DMD: variants seen among roughly 807,000 people sequenced by gnomAD.
DMD encodes the protein mutant dystrophin.
A neutral mutation model predicts 330.1 loss-of-function variants in DMD; 63 were observed. That is an observed-to-expected ratio of 0.19 (90% confidence interval 0.16 to 0.24). The LOEUF (loss-of-function observed/expected upper bound fraction) is 0.24, where lower values mean the gene tolerates loss of function less well. Ranked by LOEUF, DMD falls within the 10% of genes least tolerant of loss-of-function variation. The pLI is 1.00. For missense variants in DMD, 3,344 were observed against 2,684.1 expected, an observed-to-expected ratio of 1.25 and a Z score of -5.43; for synonymous variants, 1,223 against 959.8, an observed-to-expected ratio of 1.27 and a Z score of -5.07.
At chrX:32,983,311 T>C (rs2092753356) in intron 2 of DMD, among the ~76,000 whole-genome samples, 2 of 111,510 alleles carry the variant, frequency 1.8e-5, no homozygotes, top group Non-Finnish European at 3.8e-5. Flanking sequence ...ATTAAAAGCA[T>C]CTTGCTTTGA....
chrX:33,331,560 T>G (rs750415290), intron 1 of DMD, among the ~76,000 whole-genome samples: 1 of 111,930 alleles, frequency 8.9e-6, no homozygotes, highest in African/African-American at 3.2e-5. Context: ...CTGATAAGTT[T>G]ATTTTCCCTT....
intron 65 of DMD, 68 bp downstream of exon 65, chrX:31,209,430 C>T (rs72466553): frequency 6.6e-6 from 7 of 1,054,464 alleles, no homozygotes; most frequent in Admixed American, 6.6e-5. Context: ...ATGCTAATTA[C>T]ACTTCACCAT....
In DMD at chrX:31,673,497, C is replaced by T. The variant is rs2081924951; in HGVS notation, c.7872+5878G>A. Among the ~76,000 whole-genome samples, 9 of 110,906 alleles carry T rather than the reference C, an allele frequency of 8.1e-5. No individual in the cohort carries two copies. The Admixed American group carries it at 8.7e-4, about 11-fold the overall frequency. ...GCGTGGTGGAATGTGCCTGTAGTTC[C>T]ATCTACTTGGGATGCTGAGAGACTC... On this transcript the variant is annotated intron_variant, in intron 53 of 78. Transcript: ENST00000357033.
intron 1 of DMD, among the ~76,000 whole-genome samples, chrX:33,133,470 A>G (rs1435447378): frequency 9.0e-6 from 1 of 111,278 alleles, no homozygotes; most frequent in Non-Finnish European, 1.9e-5. Context: ...CCTATTACAA[A>G]AAGAAAAATG....
At chrX:31,191,098 A>G (rs952934080) in intron 67 of DMD, among the ~76,000 whole-genome samples, 2 of 112,121 alleles carry the variant, frequency 1.8e-5, no homozygotes, top group Non-Finnish European at 3.8e-5. Context: ...TATGCAGTGT[A>G]TTCCAGGATA....
At chrX:31,986,482 G>A (rs957571768) in intron 44 of DMD, among the ~76,000 whole-genome samples, 5 of 110,689 alleles carry the variant, frequency 4.5e-5, no homozygotes, top group Non-Finnish European at 9.5e-5. Flanking sequence ...GTGTGATCCC[G>A]GCTCACTGCA....
chrX:31,138,622 C>A (rs2035557309), intron 76 of DMD, among the ~76,000 whole-genome samples: 1 of 84,982 alleles, frequency 1.2e-5, no homozygotes, highest in Non-Finnish European at 2.2e-5. Context: ...TACATGGCAG[C>A]AGGAGAGAGA....
rs1332853674 is a variant in DMD, at chrX:32,137,018, TA to T, written c.6438+79897del. On this transcript the variant is annotated intron_variant, in intron 44 of 78. Coordinates refer to ENST00000357033, the MANE Select transcript of DMD (RefSeq NM_004006.3). ...AAAACTTAAAGTATAATAATAAATT[TA>T]AAAAAAAGAAAATAATATTTTATTA... 6.3e-5 allele frequency among the ~76,000 whole-genome samples: 7 copies of T among 111,572 alleles called. No individual in the cohort carries two copies. In the East Asian group the frequency reaches 8.4e-4, roughly 13 times the overall value.
chrX:32,836,857 C>A (rs771634720), intron 4 of DMD, among the ~76,000 whole-genome samples: 52 of 111,936 alleles, frequency 4.6e-4, no homozygotes, highest in Non-Finnish European at 9.6e-4. Context: ...AAATATATTG[C>A]CCGTTTATAA....
chrX:32,666,240 G>T (rs2147142872), intron 9 of DMD, among the ~76,000 whole-genome samples: 1 of 110,854 alleles, frequency 9.0e-6, no homozygotes, highest in East Asian at 2.9e-4. Context: ...TGCAGAACGT[G>T]CAGGTTTGTT....
At position 32,465,717 on chromosome X, in the gene DMD, C is replaced by A. The variant is rs369701241; in HGVS notation, c.3163-1018G>T. On this transcript the variant is annotated intron_variant, in intron 23 of 78. Coordinates refer to ENST00000357033, the MANE Select transcript of DMD (RefSeq NM_004006.3). The stretch of plus-strand genomic sequence containing the variant: ...TCTCCTGCCTCAGCCTCCCAAGTAG[C>A]TGGGATTACAGGCGTGCACTACCAT... Among the ~76,000 whole-genome samples the A allele has an allele frequency of 3.7e-5, 4 of 109,060 alleles. No individual in the cohort carries two copies. In the East Asian group the frequency reaches 1.2e-3, roughly 32 times the overall value. The allele number at this position is 109,060 out of a possible 115,157, so 94.7% of individuals were successfully genotyped here.
intron 1 of DMD, among the ~76,000 whole-genome samples, chrX:33,172,849 A>C (rs1361413209): frequency 9.0e-6 from 1 of 111,679 alleles, no homozygotes; most frequent in African/African-American, 3.2e-5. Context: ...GAAATAATAA[A>C]ATAGAGAAAA....
At chrX:33,096,509 T>A (rs1015981715) in intron 1 of DMD, among the ~76,000 whole-genome samples, 9 of 106,029 alleles carry the variant, frequency 8.5e-5, no homozygotes, top group Non-Finnish European at 1.4e-4. Flanking sequence ...GACTTTTTTT[T>A]TTTTTATTTT....
chrX:31,574,146 G>GGT (rs1556700845), intron 55 of DMD, among the ~76,000 whole-genome samples: 1 of 75,989 alleles, frequency 1.3e-5, no homozygotes, highest in African/African-American at 4.8e-5. Context: ...TTTTTTTTTT[G>GGT]TTTTTTTTTT....
chrX:32,471,783 G>T (rs1603634286), intron 22 of DMD, among the ~76,000 whole-genome samples: 1 of 111,680 alleles, frequency 9.0e-6, no homozygotes, highest in East Asian at 2.8e-4. Context: ...GATACGAAGG[G>T]ATGACTGTAC....
intron 44 of DMD, among the ~76,000 whole-genome samples, chrX:32,143,295 C>G (rs1334235639): frequency 9.0e-6 from 1 of 111,207 alleles, no homozygotes; most frequent in Non-Finnish European, 1.9e-5. Flanking sequence ...TAATTTATTA[C>G]TCTGAATTTT....
chrX:31,226,281 A>T (rs1253388607), intron 63 of DMD, among the ~76,000 whole-genome samples: 1 of 111,821 alleles, frequency 8.9e-6, no homozygotes, highest in African/African-American at 3.3e-5. Flanking sequence ...GTATACCAAC[A>T]CCATCCTGTG....
In DMD at chrX:32,953,173, G is replaced by A. The variant is rs1012302460; in HGVS notation, c.93+66966C>T. Among the ~76,000 whole-genome samples the A allele has an allele frequency of 2.8e-5, 3 of 107,692 alleles. No homozygotes were observed. In the East Asian group the frequency reaches 8.7e-4, roughly 31 times the overall value. 93.5% of individuals were successfully genotyped at this position (107,692 alleles called of 115,157 possible). On this transcript the variant is annotated intron_variant, in intron 2 of 78. Transcript: ENST00000357033. Reference sequence around the variant, plus strand: ...AAAGAAGAAGAAAAGAAATTTAAGCGAAGATGTGAGTAACTGTATCAGACC... The same window carrying A: ...AAAGAAGAAGAAAAGAAATTTAAGCAAAGATGTGAGTAACTGTATCAGACC...
intron 44 of DMD, among the ~76,000 whole-genome samples, chrX:32,112,335 T>C (rs780689831): frequency 8.9e-6 from 1 of 111,874 alleles, no homozygotes; most frequent in Non-Finnish European, 1.9e-5. Flanking sequence ...TCTATATTTC[T>C]AATGAATTCC....
Sources: allele counts gnomAD v4.1 joint callset (sites outside exome capture counted in the v4.1 genomes callset), GRCh38; gene constraint gnomAD v4.1.1; transcripts MANE v1.5; gene names NCBI Gene and HGNC (gene_info 2026-07-23, HGNC 2026-07-21).